The following ACIN1 variants were observed in gnomAD, a reference collection of about 807,000 sequenced individuals.
The protein encoded by ACIN1 is apoptotic chromatin condensation inducer in the nucleus.
A neutral mutation model predicts 146.6 loss-of-function variants in ACIN1; 16 were observed. The observed-to-expected ratio is 0.11, with a 90% CI of 0.07 to 0.17. The LOEUF is 0.17. Among genes scored for constraint, ACIN1 ranks in the 10% least tolerant of loss-of-function variants. The pLI is 1.00. For missense variants in ACIN1, 1,357 were observed against 1,609.3 expected (o/e 0.84, Z 2.68); for synonymous variants, 569 against 582.7 (o/e 0.98, Z 0.34).
intron 15 of ACIN1, 21 bp downstream of exon 15, chr14:23,062,395 G>A: frequency 6.2e-7 from 1 of 1,612,220 alleles, no homozygotes; most frequent in Non-Finnish European, 8.5e-7. Context: ...ATGACCTATA[G>A]AATCAGCTTC....
intron 8 of ACIN1, chr14:23,071,297 C>A (rs1475424586): frequency 3.3e-6 from 5 of 1,497,616 alleles, no homozygotes; most frequent in East Asian, 4.9e-5. Flanking sequence ...CCCAGCCACC[C>A]GATCCAGAGA....
intron 1 of ACIN1, chr14:23,094,361 A>G (rs2048310901): frequency 8.0e-6 from 4 of 500,948 alleles, no homozygotes; most frequent in Non-Finnish European, 1.0e-5. Flanking sequence ...TCCCCAATAT[A>G]TATCAACCTG....
At chr14:23,094,781 C>G in intron 1 of ACIN1, 194 bp downstream of exon 1, 1 of 886,444 alleles carries the variant, frequency 1.1e-6, no homozygotes, top group Non-Finnish European at 1.7e-6. Flanking sequence ...GCGCTGCTGC[C>G]GTTAAGGCGG....
At chr14:23,062,044 G>C (rs1429079564) in intron 16 of ACIN1, 124 bp downstream of exon 16, 2 of 736,062 alleles carry the variant, frequency 2.7e-6, no homozygotes, top group African/African-American at 3.7e-5. Flanking sequence ...AGGAACCAAA[G>C]CCAGGGAAGA....
chr14:23,094,923 G>T, intron 1 of ACIN1, 52 bp downstream of exon 1: 2 of 1,516,412 alleles, frequency 1.3e-6, no homozygotes, highest in Non-Finnish European at 1.8e-6. Flanking sequence ...GCAGAGGCTC[G>T]TCTCTACCGG....
chr14:23,078,405 T>C, intron 7 of ACIN1, 139 bp from the exon 8 acceptor site: 1 of 605,484 alleles, frequency 1.7e-6, no homozygotes, highest in Admixed American at 3.3e-5. Flanking sequence ...ATCTGTTATT[T>C]CATTTTAGAA....
chr14:23,065,039 T>G (rs569586730), intron 10 of ACIN1, among the ~76,000 whole-genome samples: 14 of 152,244 alleles, frequency 9.2e-5, no homozygotes, highest in African/African-American at 3.1e-4. Flanking sequence ...TAATATCAAG[T>G]AGTGTGGAAG....
At chr14:23,091,537 C>A (rs1241626855) in intron 2 of ACIN1, among the ~76,000 whole-genome samples, 1 of 148,294 alleles carries the variant, frequency 6.7e-6, no homozygotes, top group Non-Finnish European at 1.5e-5. Context: ...TGCACTCCAG[C>A]CTGGGTTAAA....
At chr14:23,071,250 C>A (rs1019692498) in intron 8 of ACIN1, 25 of 1,513,104 alleles carry the variant, frequency 1.7e-5, no homozygotes, top group Non-Finnish European at 2.0e-5. Context: ...AGAAAAAAAA[C>A]CACACCTTCC....
intron 8 of ACIN1, among the ~76,000 whole-genome samples, chr14:23,070,569 G>C (rs952431378): frequency 1.3e-5 from 2 of 152,010 alleles, no homozygotes; most frequent in African/African-American, 2.4e-5. Context: ...ATTCACTTCA[G>C]ATAAACTATC....
At chr14:23,061,791 G>A (rs1241493648) in intron 16 of ACIN1, among the ~76,000 whole-genome samples, 169 bp from the exon 17 acceptor site, 1 of 151,926 alleles carries the variant, frequency 6.6e-6, no homozygotes, top group African/African-American at 2.4e-5. Flanking sequence ...GGCTGACACG[G>A]TGAAACCCCG....
chr14:23,090,171 GT>G, intron 3 of ACIN1, 70 bp from the exon 4 acceptor site: 1 of 1,551,334 alleles, frequency 6.4e-7, no homozygotes, highest in Non-Finnish European at 8.7e-7. Context: ...ATGTAGAGGA[GT>G]GAAGGAGGTC....
upstream of ACIN1, chr14:23,095,264 C>G (rs1035602530): frequency 1.8e-5 from 29 of 1,601,674 alleles, no homozygotes; most frequent in Non-Finnish European, 2.3e-5. Flanking sequence ...TCCGGATGTC[C>G]TCGGATGTTT....
intron 8 of ACIN1, among the ~76,000 whole-genome samples, chr14:23,069,856 AGTTAAAAGTT>A (rs1258805774): frequency 7.9e-5 from 12 of 152,148 alleles, no homozygotes; most frequent in Non-Finnish European, 1.2e-4. Context: ...TGCCCAGATG[AGTTAAAAGTT>A]GTCATTTGTG....
In ACIN1 at chr14:23,078,878, C is replaced by T. The variant is rs149734064; in HGVS notation, c.1949G>A (p.Arg650His). 9.9e-6 allele frequency: 16 copies of T among 1,613,722 alleles called. No homozygotes were observed. The highest frequency in any genetic ancestry group is 4.0e-5 in the African/African-American group (3 of 74,912). The change falls in exon 7 of 19, where the codon CGT becomes CAT. Residue 650 changes from arginine to histidine, a missense_variant. This residue lies in a region of ACIN1 where 771 missense variants were observed against 746.6 expected (regional missense o/e 1.03). Transcript: ENST00000605057. ...STSSSSVQAR[R>H]LSQPESAEKH... The stretch of plus-strand genomic sequence containing the variant: ...TTCAGCTGATTCAGGCTGACTCAGA[C>T]GCCTTGCTTGGACAGAGGATGAGGA...
chr14:23,067,737 T>A lies in ACIN1; in HGVS notation c.2266-1729A>T. Reference sequence around the variant, plus strand: ...GACCCTATGTCCACCAGTGGCAAGCTGCAGCAATAACACCACCCAATACTT... The same window carrying A: ...GACCCTATGTCCACCAGTGGCAAGCAGCAGCAATAACACCACCCAATACTT... On this transcript the variant is annotated intron_variant, in intron 9 of 18. Coordinates refer to ENST00000605057, the MANE Select transcript of ACIN1 (RefSeq NM_001386863.1). This position sits in a 1 kb window ranked among gnomAD's most constrained non-coding sequence, Gnocchi z 4.6. 1.0e-6 allele frequency: 1 copy of A among 985,920 alleles called. No individual in the cohort carries two copies. The highest frequency in any genetic ancestry group is 1.2e-6 in the Non-Finnish European group (1 of 830,028). The allele number at this position is 985,920 out of a possible 1,614,324, so 61.1% of individuals were successfully genotyped here.
In ACIN1 at chr14:23,079,617, G is replaced by C; in HGVS notation, c.1718C>G (p.Ser573Cys). The C allele has an allele frequency of 1.9e-6, 3 of 1,614,184 alleles. No homozygotes were observed. The highest frequency in any genetic ancestry group is 1.3e-5 in the African/African-American group (1 of 75,036). The stretch of plus-strand genomic sequence containing the variant: ...TGATCTGGACTCTGATGTTGATCTG[G>C]AGCCCATCTTGGGTCTACCACGAGG... ...ANPRGRPKMG[S>C]RSTSESRSRS... The change falls in exon 6 of 19, where the codon TCC (serine) becomes TGC (cysteine). Residue 573 changes from serine to cysteine, a missense_variant. By Grantham distance (112) the Ser-to-Cys change is moderately radical (BLOSUM62 -1). Around this residue, in one of 4 missense-constraint regions of ACIN1, gnomAD observed 771 missense variants for 746.6 expected, o/e 1.03. Transcript: ENST00000605057.
At position 23,061,469 on chromosome 14, in the gene ACIN1, G is replaced by A. The variant is rs775004510; in HGVS notation, c.3253C>T (p.Arg1085Trp). Residue 1085 changes from arginine (R) to tryptophan (W), a missense_variant, in exon 17 of 19, where the codon CGG (arginine) becomes TGG (tryptophan). Around this residue, in one of 4 missense-constraint regions of ACIN1, gnomAD observed 509 missense variants for 719.6 expected, o/e 0.71. Coordinates refer to ENST00000605057, the MANE Select transcript of ACIN1 (RefSeq NM_001386863.1). The stretch of plus-strand genomic sequence containing the variant: ...CGTTCCCGTTCTGCCCACTGTTCCC[G>A]CACTGCCCGTTCCTGCTCCCGCTGC... ...AEQREQERAV[R>W]EQWAEREREM... The A allele has an allele frequency of 1.4e-5, 20 of 1,435,152 alleles. No homozygotes were observed. The highest frequency in any genetic ancestry group is 8.4e-6 in the Non-Finnish European group (9 of 1,070,122). 88.9% of individuals were successfully genotyped at this position (1,435,152 alleles called of 1,614,324 possible).
intron 1 of ACIN1, 147 bp from the exon 2 acceptor site, chr14:23,093,691 T>A: frequency 1.5e-6 from 1 of 651,876 alleles, no homozygotes; most frequent in South Asian, 1.9e-5. Flanking sequence ...TGAAAACCCT[T>A]TACTAACACT....
Sources: gnomAD v4.1 joint callset for allele counts (sites outside exome capture counted in the v4.1 genomes callset) on GRCh38, gnomAD v4.1.1 for gene constraint, gnomAD v4.1.1 regional missense constraint, Gnocchi (gnomAD v3.1) non-coding constraint, MANE v1.5 for transcripts, NCBI Gene and HGNC (gene_info 2026-07-23, HGNC 2026-07-21) for gene names.